Variants in TPRG1 observed in about 807,000 individuals in gnomAD.
TPRG1 encodes the protein tumor protein p63-regulated gene 1 protein.
In TPRG1, 29 loss-of-function variants were observed where a neutral mutation model predicts 29.3. The observed-to-expected ratio is 0.99, with a 90% CI of 0.74 to 1.35. The LOEUF (loss-of-function observed/expected upper bound fraction) is 1.35. Ranked by LOEUF, TPRG1 falls within the 40% of genes most tolerant of loss-of-function variation. The probability of loss-of-function intolerance (pLI) is 0.00; values close to 1 mark genes in which losing one functional copy is unlikely to be tolerated. For synonymous variants in TPRG1, 130 were observed against 116.8 expected (o/e 1.11, Z -0.73); for missense variants, 327 against 335.0 (o/e 0.98, Z 0.19).
chr3:189,037,114 A>G (rs1176680817), intron 4 of TPRG1, among the ~76,000 whole-genome samples: 1 of 151,576 alleles, frequency 6.6e-6, no homozygotes, highest in African/African-American at 2.4e-5. Flanking sequence ...GAATAATAGA[A>G]AAGGCCAAAG....
At position 189,301,426 on chromosome 3, in the gene TPRG1, T is replaced by A. The variant is rs562454500; in HGVS notation, c.480-8960T>A. Among the ~76,000 whole-genome samples the A allele has an allele frequency of 2.0e-5, 3 of 152,116 alleles. No homozygotes were observed. In the South Asian group the frequency reaches 6.2e-4, roughly 32 times the overall value. On this transcript the variant is annotated intron_variant, in intron 4 of 5. Coordinates refer to ENST00000345063, the MANE Select transcript of TPRG1 (RefSeq NM_198485.4). Reference sequence around the variant, plus strand: ...TTAAATTACATTTAACACTTTATAGTATGTTTTTGAGAAAAATACAACTAA... The same window carrying A: ...TTAAATTACATTTAACACTTTATAGAATGTTTTTGAGAAAAATACAACTAA...
chr3:189,017,195 C>T (rs1488767786), intron 3 of TPRG1, among the ~76,000 whole-genome samples: 3 of 88,398 alleles, frequency 3.4e-5, no homozygotes, highest in Admixed American at 3.1e-4. Context: ...AGTCTTTGAG[C>T]TCTGAGATTC....
chr3:189,133,571 C>T (rs1372409555), intron 3 of TPRG1, among the ~76,000 whole-genome samples: 2 of 152,162 alleles, frequency 1.3e-5, no homozygotes, highest in Non-Finnish European at 2.9e-5. Flanking sequence ...TCTCTCCTGC[C>T]ACCATGTGCA....
chr3:189,314,417 TGTCTAA>T (rs1723165431), intron 5 of TPRG1, among the ~76,000 whole-genome samples: 1 of 152,214 alleles, frequency 6.6e-6, no homozygotes, highest in Non-Finnish European at 1.5e-5. Context: ...GTTTACGCTA[TGTCTAA>T]GTCTGTTAAC....
chr3:189,169,666 G>C (rs1307418229), upstream of TPRG1, among the ~76,000 whole-genome samples: 1 of 152,194 alleles, frequency 6.6e-6, no homozygotes, highest in Non-Finnish European at 1.5e-5. Context: ...CATATGTTCT[G>C]TCATAGTATT....
At chr3:189,276,004 G>A (rs1048982470) in intron 4 of TPRG1, among the ~76,000 whole-genome samples, 1 of 152,088 alleles carries the variant, frequency 6.6e-6, no homozygotes, top group Admixed American at 6.5e-5. Context: ...CTTCTTAAAG[G>A]AAGTGAACCT....
chr3:188,998,326 A>C lies in TPRG1; in HGVS notation c.-1015-2448A>C, dbSNP rs1711893516. The stretch of plus-strand genomic sequence containing the variant: ...ATATGAGAAGAAGCTAGCTCTGAGA[A>C]AGTTTAGGGAAAAGAAGAGTGACAA... On this transcript the variant is annotated intron_variant, in intron 1 of 10. Transcript: ENST00000433971. 2.0e-5 allele frequency among the ~76,000 whole-genome samples: 3 copies of C among 152,204 alleles called. No homozygotes were observed. The South Asian group carries it at 6.2e-4, about 31-fold the overall frequency.
At position 189,232,304 on chromosome 3, in the gene TPRG1, T is replaced by C. The variant is rs1245401845; in HGVS notation, c.303-6429T>C. ...GAATAAATACTCCTGAGTCCTTTCC[T>C]TGTGAACATTTCAAAGAATCATTCG... On this transcript the variant is annotated intron_variant, in intron 3 of 5. Coordinates refer to ENST00000345063, the MANE Select transcript of TPRG1 (RefSeq NM_198485.4). 2.0e-5 allele frequency among the ~76,000 whole-genome samples: 3 copies of C among 152,354 alleles called. No homozygotes were observed. The East Asian group carries it at 5.8e-4, about 29-fold the overall frequency.
At chr3:189,115,442 G>C (rs1721055981) in intron 1 of TPRG1, among the ~76,000 whole-genome samples, 1 of 152,106 alleles carries the variant, frequency 6.6e-6, no homozygotes, top group Non-Finnish European at 1.5e-5. Flanking sequence ...AGCTCTCTTG[G>C]GTATTTGACC....
rs998229696 is a variant in TPRG1, at chr3:189,242,117, A to G, written c.479+3208A>G. Among the ~76,000 whole-genome samples, 5 of 152,270 alleles carry G rather than the reference A, an allele frequency of 3.3e-5. No homozygotes were observed. In the South Asian group the frequency reaches 8.3e-4, roughly 25 times the overall value. On this transcript the variant is annotated intron_variant, in intron 4 of 5. Transcript: ENST00000345063. Reference sequence around the variant, plus strand: ...ATTTCATCTAAAATTTGCCTTGAGTAAAGAAGAAGGTATGCAATCAACTTG... The same window carrying G: ...ATTTCATCTAAAATTTGCCTTGAGTGAAGAAGAAGGTATGCAATCAACTTG...
chr3:189,149,081 T>A (rs1026894187), intron 4 of TPRG1, among the ~76,000 whole-genome samples: 2 of 152,194 alleles, frequency 1.3e-5, no homozygotes, highest in Middle Eastern at 3.2e-3. Flanking sequence ...TCTAGATCTT[T>A]TTCTATCTCA....
At chr3:189,211,470 A>T (rs1312689162) in intron 2 of TPRG1, among the ~76,000 whole-genome samples, 1 of 152,188 alleles carries the variant, frequency 6.6e-6, no homozygotes, top group Non-Finnish European at 1.5e-5. Flanking sequence ...TTAGCATCAT[A>T]ACCTCATATA....
intron 4 of TPRG1, among the ~76,000 whole-genome samples, chr3:189,288,300 T>A (rs1042385215): frequency 2.0e-5 from 3 of 152,206 alleles, no homozygotes; most frequent in Non-Finnish European, 4.4e-5. Context: ...ATATAAACTT[T>A]AGGATTTTTT....
intron 4 of TPRG1, among the ~76,000 whole-genome samples, chr3:189,037,919 A>T (rs1028101451): frequency 2.0e-5 from 3 of 151,410 alleles, no homozygotes; most frequent in Non-Finnish European, 4.4e-5. Context: ...CAAAAGGCAT[A>T]CAAGATCTGA....
At chr3:189,299,833 C>A (rs929865323) in intron 4 of TPRG1, among the ~76,000 whole-genome samples, 1 of 152,096 alleles carries the variant, frequency 6.6e-6, no homozygotes, top group East Asian at 1.9e-4. Context: ...TGTTTTAAGA[C>A]AGGCTCAGGA....
intron 4 of TPRG1, among the ~76,000 whole-genome samples, chr3:189,052,195 A>G (rs942736766): frequency 1.3e-5 from 2 of 152,248 alleles, no homozygotes; most frequent in Admixed American, 6.5e-5. Context: ...CAACCTATAC[A>G]TCTGCCAAAG....
At chr3:189,028,437 T>C (rs1713771803) in intron 4 of TPRG1, among the ~76,000 whole-genome samples, 1 of 152,212 alleles carries the variant, frequency 6.6e-6, no homozygotes, top group East Asian at 1.9e-4. Context: ...GTCCTTCATA[T>C]AGCATGCATT....
chr3:189,111,542 A>G (rs1363253034), intron 1 of TPRG1, among the ~76,000 whole-genome samples: 1 of 152,260 alleles, frequency 6.6e-6, no homozygotes, highest in East Asian at 1.9e-4. Flanking sequence ...CCATCATAAT[A>G]TAAACAAATC....
rs760783513 is a variant in TPRG1, at chr3:189,272,710, T to TCC, written c.479+33801_479+33802insCC. On this transcript the variant is annotated intron_variant, in intron 4 of 5. Coordinates refer to ENST00000345063, the MANE Select transcript of TPRG1 (RefSeq NM_198485.4). Reference sequence around the variant, plus strand: ...TTCTTTCTTTCTCTTTCTTTCTTTCTTTCTCCTTCCTTCCTTCCTTCCTTC... The same window carrying TCC: ...TTCTTTCTTTCTCTTTCTTTCTTTCTCCTTCTCCTTCCTTCCTTCCTTCCTTC... Among the ~76,000 whole-genome samples, 22 of 135,122 alleles carry TCC rather than the reference T, an allele frequency of 1.6e-4. 1 individual carries two copies. Among genetic ancestry groups the TCC allele is most frequent in the Middle Eastern group, 3.4e-3 (1 of 290 alleles). The allele number at this position is 135,122 out of a possible 152,430, so 88.6% of individuals were successfully genotyped here.
Sources: allele counts gnomAD v4.1 joint callset (sites outside exome capture counted in the v4.1 genomes callset), GRCh38; gene constraint gnomAD v4.1.1; transcripts MANE v1.5; gene names NCBI Gene and HGNC (gene_info 2026-07-23, HGNC 2026-07-21).